The following C2orf76 variants were observed in gnomAD, a reference collection of about 807,000 sequenced individuals.
C2orf76 encodes the protein chromosome 2 open reading frame 76, also known as UPF0538 protein C2orf76.
C2orf76 carries 23 observed loss-of-function variants against 16.9 expected under a neutral mutation model. That is an observed-to-expected ratio of 1.36 (90% confidence interval 0.98 to 1.93). The LOEUF is 1.93. Among genes scored for constraint, C2orf76 ranks in the 30% most tolerant of loss-of-function variants. C2orf76 has a pLI of 0.00. For synonymous variants in C2orf76, 48 were observed against 52.3 expected (o/e 0.92, Z 0.35); for missense variants, 152 against 152.6 (o/e 1.00, Z 0.02).
chr2:119,339,119 T>A (rs1334721535), intron 2 of C2orf76: 1 of 152,166 alleles, frequency 6.6e-6, no homozygotes, highest in Admixed American at 6.5e-5. Context: ...AGTAAAAAAA[T>A]TACATTGGAT....
At chr2:119,349,468 C>T (rs547379438) in intron 1 of C2orf76, among the ~76,000 whole-genome samples, 21 of 152,316 alleles carry the variant, frequency 1.4e-4, no homozygotes, top group African/African-American at 5.1e-4. Context: ...AGAAGCAGGT[C>T]ACACGCCCAG....
chr2:119,350,073 C>CCGA (rs1428487936), intron 1 of C2orf76, among the ~76,000 whole-genome samples: 1 of 95,018 alleles, frequency 1.1e-5, no homozygotes, highest in Non-Finnish European at 2.3e-5. Context: ...CACACCGCCC[C>CCGA]CCGCCCCCCC....
upstream of C2orf76, chr2:119,367,018 G>C (rs916027120): frequency 1.9e-6 from 3 of 1,613,856 alleles, no homozygotes; most frequent in African/African-American, 1.3e-5. Flanking sequence ...CGCCTCCTCC[G>C]CTGTCTCCCT....
intron 1 of C2orf76, among the ~76,000 whole-genome samples, chr2:119,352,074 G>T (rs1445338481): frequency 6.6e-6 from 1 of 152,220 alleles, no homozygotes; most frequent in Non-Finnish European, 1.5e-5. Flanking sequence ...GGTAGGAAAA[G>T]CACTCAGGCA....
intron 1 of C2orf76, chr2:119,366,356 C>T: frequency 4.3e-6 from 2 of 462,546 alleles, no homozygotes; most frequent in African/African-American, 2.0e-5. Flanking sequence ...CTTTAACGCA[C>T]CAGATGGAGA....
the C2orf76 span, among the ~76,000 whole-genome samples, chr2:119,296,849 GGGGAACTGTC>G: frequency 6.6e-6 from 1 of 152,186 alleles, no homozygotes; most frequent in Non-Finnish European, 1.5e-5. Context: ...CAATGCAGAT[GGGGAACTGTC>G]TCTTGGCTGT....
intron 4 of C2orf76, among the ~76,000 whole-genome samples, chr2:119,316,031 A>C (rs1357481794): frequency 6.6e-6 from 1 of 152,238 alleles, no homozygotes; most frequent in East Asian, 1.9e-4. Flanking sequence ...GCAGCAATGA[A>C]TGGAGAATGG....
intron 2 of C2orf76, among the ~76,000 whole-genome samples, chr2:119,335,733 T>C (rs1266170333): frequency 6.6e-6 from 1 of 152,206 alleles, no homozygotes; most frequent in Non-Finnish European, 1.5e-5. Context: ...TCAACGTCAA[T>C]GTCAATAATC....
chr2:119,298,787 C>CA (rs1014744788), downstream of C2orf76, among the ~76,000 whole-genome samples: 4 of 151,728 alleles, frequency 2.6e-5, no homozygotes, highest in Admixed American at 6.6e-5. Context: ...TCTCTTAGTT[C>CA]AAAAAAAACT....
Position 119,357,504 on chromosome 2 carries a change from A to C in C2orf76, c.-13+9286T>G, listed in dbSNP as rs148382636. On this transcript the variant is annotated intron_variant, in intron 1 of 5. Transcript: ENST00000334816. Reference sequence around the variant, plus strand: ...AAAGGCACCTGACAAACTTCAATGGAGACTCAACATCCACTGACAATAAGG... The same window carrying C: ...AAAGGCACCTGACAAACTTCAATGGCGACTCAACATCCACTGACAATAAGG... Among the ~76,000 whole-genome samples, 226 of 152,112 alleles carry C rather than the reference A, an allele frequency of 1.5e-3. 3 individuals are homozygous for C. The East Asian group carries it at 0.039, about 26-fold the overall frequency.
At chr2:119,298,325 T>G (rs998512494), downstream of C2orf76, among the ~76,000 whole-genome samples, 6 of 152,224 alleles carry the variant, frequency 3.9e-5, no homozygotes, top group African/African-American at 1.4e-4. Flanking sequence ...TTTTTTTAAA[T>G]ACTTGGCCAT....
chr2:119,318,301 G>T (rs1301869221), intron 3 of C2orf76, among the ~76,000 whole-genome samples: 3 of 152,144 alleles, frequency 2.0e-5, no homozygotes, highest in Non-Finnish European at 4.4e-5. Context: ...AATGCATTAT[G>T]ATTACAGTGT....
In C2orf76 at chr2:119,302,387, A is replaced by C; in HGVS notation, c.*85T>G. ...GAGTATAGCCTGGGATTAATTTTTTAAGATTTGTTTGTCAATTTCAAAAAT... is the reference window on the plus strand; with the variant it reads ...GAGTATAGCCTGGGATTAATTTTTTCAGATTTGTTTGTCAATTTCAAAAAT... On this transcript the variant is annotated 3_prime_UTR_variant, in exon 6 of 6. Coordinates refer to ENST00000334816, the MANE Select transcript of C2orf76 (RefSeq NM_001322331.2). 1.7e-6 allele frequency: 1 copy of C among 589,140 alleles called. No individual in the cohort carries two copies. The highest frequency in any genetic ancestry group is 1.9e-5 in the African/African-American group (1 of 51,472). 36.5% of individuals were successfully genotyped at this position (589,140 alleles called of 1,614,324 possible).
downstream of C2orf76, among the ~76,000 whole-genome samples, chr2:119,300,087 A>G (rs974010564): frequency 3.3e-5 from 5 of 152,194 alleles, no homozygotes; most frequent in South Asian, 4.1e-4. Context: ...TTTGGTTCCA[A>G]TCCCATTGCA....
downstream of C2orf76, chr2:119,302,218 T>A (rs1678636878): frequency 3.4e-6 from 1 of 291,362 alleles, no homozygotes; most frequent in Non-Finnish European, 6.3e-6. Flanking sequence ...GAATCAATAT[T>A]CCACAATAAT....
the C2orf76 span, among the ~76,000 whole-genome samples, chr2:119,292,294 A>G: frequency 1.3e-5 from 2 of 152,152 alleles, no homozygotes; most frequent in African/African-American, 4.8e-5. Context: ...TTCAAACAGA[A>G]ACAAATGACA....
chr2:119,311,717 A>G lies in C2orf76; in HGVS notation c.223-14T>C, dbSNP rs77435871. On this transcript the variant is annotated splice_polypyrimidine_tract_variant and intron_variant, in intron 4 of 5. Coordinates refer to ENST00000334816, the MANE Select transcript of C2orf76 (RefSeq NM_001322331.2). ...AAGTTCATTTGTCTAAAAAAAAAAA[A>G]GAAAATCTGCATTTTATCAGTACTT... is the stretch of plus-strand genomic sequence containing the variant. The G allele has an allele frequency of 6.3e-7, 1 of 1,590,664 alleles. No individual in the cohort carries two copies.
At chr2:119,335,994 A>G (rs894113323) in intron 2 of C2orf76, among the ~76,000 whole-genome samples, 1 of 152,230 alleles carries the variant, frequency 6.6e-6, no homozygotes, top group Non-Finnish European at 1.5e-5. Context: ...AAATAATTTT[A>G]TGTTATCTAG....
At chr2:119,282,760 G>A in the C2orf76 span, among the ~76,000 whole-genome samples, 2 of 152,098 alleles carry the variant, frequency 1.3e-5, no homozygotes, top group African/African-American at 2.4e-5. Context: ...CTGCATAATC[G>A]GTTCAACAGC....
Sources: gnomAD v4.1 joint callset for allele counts (sites outside exome capture counted in the v4.1 genomes callset) on GRCh38, gnomAD v4.1.1 for gene constraint, MANE v1.5 for transcripts, NCBI Gene and HGNC (gene_info 2026-07-23, HGNC 2026-07-21) for gene names.